UQCC3: variants seen among roughly 807,000 people sequenced by gnomAD.
UQCC3 encodes ubiquinol-cytochrome c reductase complex assembly factor 3.
A neutral mutation model predicts 3.4 loss-of-function variants in UQCC3; 3 were observed. The ratio of observed to expected loss-of-function variants is 0.88; its 90% CI spans 0.40 to 2.26. The LOEUF (loss-of-function observed/expected upper bound fraction) is 2.26. UQCC3 is among the 30% of genes most tolerant of loss of function. The pLI is 0.05. For missense variants in UQCC3, 141 were observed against 123.0 expected (o/e 1.15, Z -0.69); for synonymous variants, 57 against 57.1 (o/e 1.00, Z 0.00).
rs1354232927 is a variant in UQCC3 at position 62,673,046 on chromosome 11, G to A, written c.*932G>A. 6.6e-6 allele frequency: 1 copy of A among 151,724 alleles called. No homozygotes were observed. The highest frequency in any genetic ancestry group is 1.5e-5 in the Non-Finnish European group (1 of 67,936). The allele number at this position is 151,724 out of a possible 1,614,324, so 9.4% of individuals were successfully genotyped here. A position where few individuals can be genotyped will look rare whatever the true frequency, so the allele number is the denominator to read the frequency against. On this transcript the variant is annotated 3_prime_UTR_variant, in exon 2 of 2. Transcript: ENST00000377953. ...GATCTCGAACTCCTGACCTCAGGCA[G>A]TTCACCCGTCTCAGCCTCCCAAAGT... is the stretch of plus-strand genomic sequence containing the variant.
Position 62,672,058 on chromosome 11 carries a change from T to G in UQCC3, c.226T>G (p.Trp76Gly), listed in dbSNP as rs143509965. The G allele has an allele frequency of 1.3e-3, 2,165 of 1,609,326 alleles. 24 individuals carry two copies. In the African/African-American group the frequency reaches 0.026, roughly 19 times the overall value. The change falls in exon 2 of 2, where the codon TGG (tryptophan) becomes GGG (glycine). Residue 76 changes from tryptophan (W) to glycine (G), a missense_variant. Trp to Gly is a radical substitution (Grantham distance 184). Transcript: ENST00000377953. ...EAATTQENVA[W>G]RKNWMVGGEG... Reference sequence around the variant, plus strand: ...AGCGACCACGCAGGAGAACGTGGCCTGGAGGAAGAACTGGATGGTTGGCGG... The same window carrying G: ...AGCGACCACGCAGGAGAACGTGGCCGGGAGGAAGAACTGGATGGTTGGCGG...
chr11:62,672,338 G>A lies in UQCC3; in HGVS notation c.*224G>A, dbSNP rs1489301023. On this transcript the variant is annotated 3_prime_UTR_variant, in exon 2 of 2. Coordinates refer to ENST00000377953, the MANE Select transcript of UQCC3 (RefSeq NM_001085372.3). ...AGGGCCGAGACGCGAGTCGGATGTGGTGAACTGAAAGAACCAATAAAATCA... is the reference window on the plus strand; with the variant it reads ...AGGGCCGAGACGCGAGTCGGATGTGATGAACTGAAAGAACCAATAAAATCA... The A allele has an allele frequency of 2.1e-5, 12 of 584,780 alleles. No homozygotes were observed. The highest frequency in any genetic ancestry group is 3.7e-5 in the Non-Finnish European group (12 of 328,346). 36.2% of individuals were successfully genotyped at this position (584,780 alleles called of 1,614,324 possible). A position where few individuals can be genotyped will look rare whatever the true frequency, so the allele number is the denominator to read the frequency against.
rs35548045 is a variant in UQCC3 at position 62,672,504 on chromosome 11, ATTTTTTT to A, written c.*406_*412del. On this transcript the variant is annotated 3_prime_UTR_variant, in exon 2 of 2. Coordinates refer to ENST00000377953, the MANE Select transcript of UQCC3 (RefSeq NM_001085372.3). ...CTGATCCCGATAGGTATCTGACCAC[ATTTTTTT>A]TTTTTTTTTTTTTTTGAGACGGAGT... is the stretch of plus-strand genomic sequence containing the variant. The A allele has an allele frequency of 8.2e-5, 9 of 109,840 alleles. No homozygotes were observed. Among genetic ancestry groups the A allele is most frequent in the South Asian group, 2.5e-4 (1 of 3,936 alleles). 6.8% of individuals were successfully genotyped at this position (109,840 alleles called of 1,614,324 possible). A position where few individuals can be genotyped will look rare whatever the true frequency, so the allele number is the denominator to read the frequency against.
rs553624759 is a variant in UQCC3 at position 62,671,713 on chromosome 11, C to A, written c.-33C>A. The stretch of plus-strand genomic sequence containing the variant: ...CAACAGCTTGCGGCTGCGGGGAGCT[C>A]CCGTGGGCGCTCCGCTGGCTGTGCA... On this transcript the variant is annotated 5_prime_UTR_variant, in exon 1 of 2. Transcript: ENST00000377953. 1.5e-5 allele frequency: 24 copies of A among 1,610,330 alleles called. 1 individual carries two copies. The South Asian group carries it at 2.2e-4, about 15-fold the overall frequency.
chr11:62,672,513 T>C lies in UQCC3; in HGVS notation c.*399T>C, dbSNP rs1944961917. 5.8e-6 allele frequency: 1 copy of C among 171,944 alleles called. No individual in the cohort carries two copies. The highest frequency in any genetic ancestry group is 1.2e-4 in the South Asian group (1 of 8,552). The allele number at this position is 171,944 out of a possible 1,614,324, so 10.7% of individuals were successfully genotyped here. ...ATAGGTATCTGACCACATTTTTTTT[T>C]TTTTTTTTTTTTTGAGACGGAGTCA... is the stretch of plus-strand genomic sequence containing the variant. On this transcript the variant is annotated 3_prime_UTR_variant, in exon 2 of 2. Coordinates refer to ENST00000377953, the MANE Select transcript of UQCC3 (RefSeq NM_001085372.3).
chr11:62,672,190 C>A lies in UQCC3; in HGVS notation c.*76C>A. The A allele has an allele frequency of 1.4e-6, 2 of 1,432,578 alleles. No individual in the cohort carries two copies. The highest frequency in any genetic ancestry group is 1.3e-5 in the South Asian group (1 of 77,042). 88.7% of individuals were successfully genotyped at this position (1,432,578 alleles called of 1,614,324 possible). On this transcript the variant is annotated 3_prime_UTR_variant, in exon 2 of 2. Transcript: ENST00000377953. Reference sequence around the variant, plus strand: ...CGAGGCAGCCTTTCTCCTTCGTGGGCCCAGCGGAGAGTCCGGACCGAGATA... The same window carrying A: ...CGAGGCAGCCTTTCTCCTTCGTGGGACCAGCGGAGAGTCCGGACCGAGATA...
At position 62,671,722 on chromosome 11, in the gene UQCC3, G is replaced by A. The variant is rs577537073; in HGVS notation, c.-24G>A. On this transcript the variant is annotated 5_prime_UTR_variant, in exon 1 of 2. Coordinates refer to ENST00000377953, the MANE Select transcript of UQCC3 (RefSeq NM_001085372.3). ...GCGGCTGCGGGGAGCTCCCGTGGGC[G>A]CTCCGCTGGCTGTGCAGGCGGCCAT... The A allele has an allele frequency of 4.3e-6, 7 of 1,611,162 alleles. No individual in the cohort carries two copies. The African/African-American group carries it at 6.7e-5, about 15-fold the overall frequency.
In UQCC3 at chr11:62,672,096, C is replaced by T. The variant is rs751844943; in HGVS notation, c.264C>T (p.Ala88=). Residue 88 remains alanine (A), a synonymous_variant, in exon 2 of 2, where the codon GCC becomes GCT. Coordinates refer to ENST00000377953, the MANE Select transcript of UQCC3 (RefSeq NM_001085372.3). ...GGATGGTTGGCGGCGAAGGCGGCGC[C>T]GGCGGGAGGTCACCGTGAGACCGGA... ...KNWMVGGEGG[A]GGRSP 3.8e-6 allele frequency: 6 copies of T among 1,591,012 alleles called. No individual in the cohort carries two copies. The South Asian group carries it at 5.6e-5, about 15-fold the overall frequency.
Position 62,671,684 on chromosome 11 carries a change from G to T in UQCC3, c.-62G>T, listed in dbSNP as rs576848204. ...CTGCGCCAAGGGGTAGTGAGACCGC[G>T]CGGCAACAGCTTGCGGCTGCGGGGA... On this transcript the variant is annotated 5_prime_UTR_variant, in exon 1 of 2. Coordinates refer to ENST00000377953, the MANE Select transcript of UQCC3 (RefSeq NM_001085372.3). 1 of 1,597,780 alleles carries T rather than the reference G, an allele frequency of 6.3e-7. No homozygotes were observed. The highest frequency in any genetic ancestry group is 2.2e-5 in the East Asian group (1 of 44,676).
chr11:62,673,359 A>G lies in UQCC3; in HGVS notation c.*1245A>G, dbSNP rs1402718349. ...CTTAGGAGGCTGACTTACTAGTAGT[A>G]AAAGGAGTGTGCTTTGAGTCACAGA... On this transcript the variant is annotated 3_prime_UTR_variant, in exon 2 of 2. Transcript: ENST00000377953. The G allele has an allele frequency of 6.6e-6, 1 of 152,222 alleles. No homozygotes were observed. Among genetic ancestry groups the G allele is most frequent in the East Asian group, 1.9e-4 (1 of 5,196 alleles). The allele number at this position is 152,222 out of a possible 1,614,324, so 9.4% of individuals were successfully genotyped here.
Position 62,672,954 on chromosome 11 carries a change from G to T in UQCC3, c.*840G>T, listed in dbSNP as rs982420590. ...CTCCCATGTAGCTGGGATTACAGGC[G>T]TCCGCAACCACGCCCGGCTGATATT... On this transcript the variant is annotated 3_prime_UTR_variant, in exon 2 of 2. Coordinates refer to ENST00000377953, the MANE Select transcript of UQCC3 (RefSeq NM_001085372.3). 2.6e-5 allele frequency: 4 copies of T among 152,154 alleles called. No homozygotes were observed. The highest frequency in any genetic ancestry group is 9.7e-5 in the African/African-American group (4 of 41,420). The allele number at this position is 152,154 out of a possible 1,614,324, so 9.4% of individuals were successfully genotyped here.
In UQCC3 at chr11:62,672,815, TTC is replaced by T. The variant is rs1944967639; in HGVS notation, c.*703_*704del. 6.7e-6 allele frequency: 1 copy of T among 150,318 alleles called. No homozygotes were observed. Among genetic ancestry groups the T allele is most frequent in the South Asian group, 2.1e-4 (1 of 4,780 alleles). The allele number at this position is 150,318 out of a possible 1,614,324, so 9.3% of individuals were successfully genotyped here. A position where few individuals can be genotyped will look rare whatever the true frequency, so the allele number is the denominator to read the frequency against. On this transcript the variant is annotated 3_prime_UTR_variant, in exon 2 of 2. Coordinates refer to ENST00000377953, the MANE Select transcript of UQCC3 (RefSeq NM_001085372.3). Reference sequence around the variant, plus strand: ...CCTCGCCCTGCCGCGGCCACATTTTTTCTTTTTTTTGAGATGGAGTCTTGCTC... The same window carrying T: ...CCTCGCCCTGCCGCGGCCACATTTTTTTTTTTTTGAGATGGAGTCTTGCTC...
rs1395560634 is a variant in UQCC3 at position 62,672,231 on chromosome 11, C to G, written c.*117C>G. 28 of 1,100,972 alleles carry G rather than the reference C, an allele frequency of 2.5e-5. No individual in the cohort carries two copies. The highest frequency in any genetic ancestry group is 3.3e-5 in the Non-Finnish European group (26 of 778,736). The allele number at this position is 1,100,972 out of a possible 1,614,324, so 68.2% of individuals were successfully genotyped here. A position where few individuals can be genotyped will look rare whatever the true frequency, so the allele number is the denominator to read the frequency against. ...GACCGAGATACCATGCCAGGACTCT[C>G]CGGGGTCCTGTGAGCTGCCGTCGGG... On this transcript the variant is annotated 3_prime_UTR_variant, in exon 2 of 2. Coordinates refer to ENST00000377953, the MANE Select transcript of UQCC3 (RefSeq NM_001085372.3).
chr11:62,671,935 T>A lies in UQCC3; in HGVS notation c.121-18T>A. 6.2e-7 allele frequency: 1 copy of A among 1,613,248 alleles called. No homozygotes were observed. The highest frequency in any genetic ancestry group is 1.1e-5 in the South Asian group (1 of 91,064). On this transcript the variant is annotated intron_variant, in intron 1 of 1. Coordinates refer to ENST00000377953, the MANE Select transcript of UQCC3 (RefSeq NM_001085372.3). ...GCCCCGGACTGGAGCTCCTGCGAACTCCCCTTCCTGCCCTCAGGAGATGCC... is the reference window on the plus strand; with the variant it reads ...GCCCCGGACTGGAGCTCCTGCGAACACCCCTTCCTGCCCTCAGGAGATGCC...
Position 62,671,734 on chromosome 11 carries a change from G to A in UQCC3, c.-12G>A, listed in dbSNP as rs374381892. 6.8e-6 allele frequency: 11 copies of A among 1,612,656 alleles called. No homozygotes were observed. Among genetic ancestry groups the A allele is most frequent in the Non-Finnish European group, 8.5e-6 (10 of 1,179,500 alleles). On this transcript the variant is annotated 5_prime_UTR_variant, in exon 1 of 2. In the 5' UTR this introduces an upstream ATG that the reference lacks. Transcript: ENST00000377953. ...AGCTCCCGTGGGCGCTCCGCTGGCT[G>A]TGCAGGCGGCCATGGATTCCTTGCG... is the stretch of plus-strand genomic sequence containing the variant.
rs1347639754 is a variant in UQCC3, at chr11:62,673,459, A to AAC, written c.*1346_*1347insCA. The AAC allele has an allele frequency of 1.3e-5, 2 of 152,160 alleles. No homozygotes were observed. Among genetic ancestry groups the AAC allele is most frequent in the African/African-American group, 4.8e-5 (2 of 41,436 alleles). The allele number at this position is 152,160 out of a possible 1,614,324, so 9.4% of individuals were successfully genotyped here. The stretch of plus-strand genomic sequence containing the variant: ...GGTCATAACTACGAGGATTATTGTA[A>AAC]AACATTAATTTAGAAATGTAAAGTG... On this transcript the variant is annotated 3_prime_UTR_variant, in exon 2 of 2. Coordinates refer to ENST00000377953, the MANE Select transcript of UQCC3 (RefSeq NM_001085372.3).
Position 62,671,952 on chromosome 11 carries a change from G to A in UQCC3, c.121-1G>A, listed in dbSNP as rs775150319. The A allele has an allele frequency of 1.1e-5, 17 of 1,613,868 alleles. No homozygotes were observed. The Admixed American group carries it at 2.7e-4, about 25-fold the overall frequency. On this transcript the variant is annotated splice_acceptor_variant, in intron 1 of 1. Coordinates refer to ENST00000377953, the MANE Select transcript of UQCC3 (RefSeq NM_001085372.3). LOFTEE classifies it high-confidence loss of function. ...CTGCGAACTCCCCTTCCTGCCCTCA[G>A]GAGATGCCACTGCAGGACCCAAGGA...
Position 62,672,840 on chromosome 11 carries a change from C to A in UQCC3, c.*726C>A. ...TTCTTTTTTTTGAGATGGAGTCTTG[C>A]TCTTGTCACCCAGGCAGGAGTGCAG... On this transcript the variant is annotated 3_prime_UTR_variant, in exon 2 of 2. Coordinates refer to ENST00000377953, the MANE Select transcript of UQCC3 (RefSeq NM_001085372.3). 1 of 147,814 alleles carries A rather than the reference C, an allele frequency of 6.8e-6. No individual in the cohort carries two copies. The highest frequency in any genetic ancestry group is 1.5e-5 in the Non-Finnish European group (1 of 67,038). 9.2% of individuals were successfully genotyped at this position (147,814 alleles called of 1,614,324 possible).
Position 62,672,169 on chromosome 11 carries a change from G to A in UQCC3, c.*55G>A, listed in dbSNP as rs1040985665. The A allele has an allele frequency of 2.0e-6, 3 of 1,514,174 alleles. No homozygotes were observed. Among genetic ancestry groups the A allele is most frequent in the African/African-American group, 1.4e-5 (1 of 72,614 alleles). The allele number at this position is 1,514,174 out of a possible 1,614,324, so 93.8% of individuals were successfully genotyped here. A position where few individuals can be genotyped will look rare whatever the true frequency, so the allele number is the denominator to read the frequency against. The stretch of plus-strand genomic sequence containing the variant: ...CTTGGCTTGGGCGCAGGAATCCGAG[G>A]CAGCCTTTCTCCTTCGTGGGCCCAG... On this transcript the variant is annotated 3_prime_UTR_variant, in exon 2 of 2. Transcript: ENST00000377953.
Sources: allele counts gnomAD v4.1 joint callset, GRCh38; gene constraint gnomAD v4.1.1; transcripts MANE v1.5; gene names NCBI Gene and HGNC (gene_info 2026-07-23, HGNC 2026-07-21).